Variants in PDE1C observed in about 807,000 individuals in gnomAD.
PDE1C encodes phosphodiesterase 1C, also known as dual specificity calcium/calmodulin-dependent 3',5'-cyclic nucleotide phosphodiesterase 1C.
Under a neutral mutation model 93.1 loss-of-function variants are expected in PDE1C, and 62 were observed. That is an observed-to-expected ratio of 0.67 (90% CI 0.54 to 0.82). PDE1C has a LOEUF of 0.82. Ranked by LOEUF, PDE1C falls within the 40% of genes least tolerant of loss-of-function variation. The pLI is 0.00. For missense variants in PDE1C, 742 were observed against 884.6 expected, an observed-to-expected ratio of 0.84 and a Z score of 2.04; for synonymous variants, 325 against 310.1, an observed-to-expected ratio of 1.05 and a Z score of -0.50.
intron 2 of PDE1C, among the ~76,000 whole-genome samples, chr7:32,017,111 CCTAA>C (rs1195181501): frequency 6.6e-5 from 10 of 152,154 alleles, no homozygotes; most frequent in African/African-American, 1.9e-4. Flanking sequence ...GTGCCTAACA[CCTAA>C]CTGAGACTCA....
chr7:31,700,308 G>A, the PDE1C span, among the ~76,000 whole-genome samples: 1 of 152,148 alleles, frequency 6.6e-6, no homozygotes, highest in Non-Finnish European at 1.5e-5. Flanking sequence ...CAGTGGTCTG[G>A]ATAGATTACA....
intron 2 of PDE1C, among the ~76,000 whole-genome samples, chr7:32,186,198 G>C (rs1468284150): frequency 6.6e-6 from 1 of 150,924 alleles, no homozygotes; most frequent in African/African-American, 2.4e-5. Flanking sequence ...CGCCTCCCGG[G>C]TTCACGCCAT....
intron 1 of PDE1C, among the ~76,000 whole-genome samples, chr7:32,345,602 C>T (rs1301153293): frequency 6.6e-6 from 1 of 151,974 alleles, no homozygotes; most frequent in African/African-American, 2.4e-5. Flanking sequence ...CAAAATGTAA[C>T]TGAAATGACT....
chr7:32,128,767 G>A (rs1013711065), intron 3 of PDE1C, among the ~76,000 whole-genome samples: 1 of 151,060 alleles, frequency 6.6e-6, no homozygotes, highest in Admixed American at 6.6e-5. Context: ...AGAGGTCTTT[G>A]ATAAGGTAAT....
At chr7:32,307,754 C>T (rs957954121) in intron 1 of PDE1C, among the ~76,000 whole-genome samples, 2 of 152,172 alleles carry the variant, frequency 1.3e-5, no homozygotes, top group African/African-American at 4.8e-5. Context: ...CGAGGTGGAG[C>T]CAAGATGGCC....
chr7:31,621,192 T>C, the PDE1C span, among the ~76,000 whole-genome samples: 1 of 152,116 alleles, frequency 6.6e-6, no homozygotes, highest in Non-Finnish European at 1.5e-5. Flanking sequence ...TGCAGGATAT[T>C]ATCCAGGAGA....
At chr7:31,638,192 C>T in the PDE1C span, among the ~76,000 whole-genome samples, 4 of 152,172 alleles carry the variant, frequency 2.6e-5, no homozygotes, top group African/African-American at 7.2e-5. Context: ...AGGAGGAAAA[C>T]GGGTGGTATT....
intron 1 of PDE1C, among the ~76,000 whole-genome samples, chr7:32,393,068 A>AAAAAAAAC (rs1784780131): frequency 6.6e-6 from 1 of 150,646 alleles, no homozygotes; most frequent in African/African-American, 2.4e-5. Flanking sequence ...AAAAAAAAAA[A>AAAAAAAAC]AAAAGCACAC....
intron 16 of PDE1C, among the ~76,000 whole-genome samples, chr7:31,782,724 C>A (rs968960342): frequency 6.6e-6 from 1 of 152,176 alleles, no homozygotes; most frequent in African/African-American, 2.4e-5. Flanking sequence ...CTCATGATGG[C>A]CCAACTTAAA....
intron 3 of PDE1C, among the ~76,000 whole-genome samples, chr7:32,124,917 CATT>C (rs1461614153): frequency 6.6e-6 from 1 of 152,116 alleles, no homozygotes; most frequent in East Asian, 1.9e-4. Flanking sequence ...AAAGAACTAT[CATT>C]AGAGTAAACA....
intron 1 of PDE1C, among the ~76,000 whole-genome samples, chr7:32,307,858 C>T (rs1318045077): frequency 6.6e-6 from 1 of 152,218 alleles, no homozygotes; most frequent in Non-Finnish European, 1.5e-5. Flanking sequence ...GTTCATCTCA[C>T]TAGGGAGTGC....
intron 2 of PDE1C, among the ~76,000 whole-genome samples, chr7:32,009,326 G>A (rs6961272): frequency 0.25 from 38,250 of 152,022 alleles, 4,962 homozygotes; most frequent in Non-Finnish European, 0.28. Flanking sequence ...GAAGACCAAG[G>A]AAGTTAGAAT....
the PDE1C span, chr7:31,707,067 G>A: frequency 1.5e-6 from 1 of 674,668 alleles, no homozygotes; most frequent in Non-Finnish European, 2.5e-6. Flanking sequence ...TCTCTGGGTT[G>A]GTACTGTTAG....
intron 1 of PDE1C, among the ~76,000 whole-genome samples, chr7:32,278,689 C>T (rs1811442768): frequency 6.6e-6 from 1 of 152,178 alleles, no homozygotes; most frequent in South Asian, 2.1e-4. Context: ...ATGCCTATAG[C>T]ATTTTGAAGA....
At chr7:32,086,800 A>C in intron 3 of PDE1C, among the ~76,000 whole-genome samples, 1 of 152,238 alleles carries the variant, frequency 6.6e-6, no homozygotes, top group Non-Finnish European at 1.5e-5. Flanking sequence ...CTGGCTAGCC[A>C]TATGTAGAAA....
chr7:31,628,556 C>G, the PDE1C span, among the ~76,000 whole-genome samples: 4 of 151,286 alleles, frequency 2.6e-5, no homozygotes, highest in African/African-American at 9.8e-5. Flanking sequence ...TTCCCGGGTT[C>G]ACGCCATTCT....
rs781295533 is a variant in PDE1C at position 31,816,047 on chromosome 7, C to T, written c.1690G>A (p.Ala564Thr). ...SQAEEGASGKAEKKTSGETKN... is the reference protein window; with the variant it reads ...SQAEEGASGKTEKKTSGETKN... ...GTTTCTCCAGACGTCTTTTTCTCAG[C>T]TTTGCCAGATGCGCCTTCTTCAGCC... The change falls in exon 15 of 18, where the codon GCT (alanine) becomes ACT (threonine). Residue 564 changes from alanine (A) to threonine (T), a missense_variant. Physicochemically the swap from Ala to Thr is moderately conservative, Grantham distance 58. This residue lies in a region of PDE1C where 454 missense variants were observed against 459.4 expected (regional missense o/e 0.99). Coordinates refer to ENST00000396191, the MANE Select transcript of PDE1C (RefSeq NM_001191057.4). 1.2e-6 allele frequency: 2 copies of T among 1,614,018 alleles called. No individual in the cohort carries two copies. Among genetic ancestry groups the T allele is most frequent in the Admixed American group, 3.3e-5 (2 of 60,002 alleles).
chr7:32,420,528 T>C (rs935596879), intron 1 of PDE1C, among the ~76,000 whole-genome samples: 37 of 147,434 alleles, frequency 2.5e-4, no homozygotes, highest in African/African-American at 9.1e-4. Context: ...CACTCCAGCC[T>C]TGGCAACAGA....
At chr7:32,165,000 T>C (rs1175268845) in intron 3 of PDE1C, among the ~76,000 whole-genome samples, 1 of 152,186 alleles carries the variant, frequency 6.6e-6, no homozygotes, top group Admixed American at 6.5e-5. Flanking sequence ...CCAAGGTGAG[T>C]TCCCAGGAGT....
Sources: allele counts gnomAD v4.1 joint callset (sites outside exome capture counted in the v4.1 genomes callset), GRCh38; gene constraint gnomAD v4.1.1; regional missense constraint gnomAD v4.1.1; transcripts MANE v1.5; gene names NCBI Gene and HGNC (gene_info 2026-07-23, HGNC 2026-07-21).